Variants in TM4SF4 observed in about 807,000 individuals in gnomAD.
TM4SF4 encodes the protein transmembrane 4 L6 family member 4.
In TM4SF4, 24 loss-of-function variants were observed where a neutral mutation model predicts 24.1. The ratio of observed to expected loss-of-function variants is 1.00; its 90% CI spans 0.72 to 1.40. The LOEUF (loss-of-function observed/expected upper bound fraction) is 1.40, where lower values mean the gene tolerates loss of function less well. TM4SF4 is among the 40% of genes most tolerant of loss of function. TM4SF4 has a pLI of 0.00. For missense variants in TM4SF4, 254 were observed against 254.2 expected (o/e 1.00, Z 0.01); for synonymous variants, 113 against 97.0 (o/e 1.17, Z -0.97).
intron 3 of TM4SF4, among the ~76,000 whole-genome samples, chr3:149,494,229 A>G (rs1035109901): frequency 5.3e-5 from 8 of 152,176 alleles, no homozygotes. Context: ...AAGGGAGAGA[A>G]GAAGGGCCTG....
At chr3:149,483,095 T>G (rs1734062909) in intron 2 of TM4SF4, among the ~76,000 whole-genome samples, 1 of 152,198 alleles carries the variant, frequency 6.6e-6, no homozygotes, top group Non-Finnish European at 1.5e-5. Context: ...TGGACTTTCA[T>G]GAAGACAACT....
chr3:149,482,554 T>G (rs1037564377), intron 2 of TM4SF4, among the ~76,000 whole-genome samples: 3 of 152,174 alleles, frequency 2.0e-5, no homozygotes, highest in African/African-American at 7.2e-5. Context: ...CTTTCTTTTC[T>G]TTTTTTCTAG....
chr3:149,502,912 A>T lies in TM4SF4; in HGVS notation c.*219A>T. The T allele has an allele frequency of 2.1e-6, 1 of 477,734 alleles. No individual in the cohort carries two copies. The highest frequency in any genetic ancestry group is 3.8e-5 in the Admixed American group (1 of 26,436). The allele number at this position is 477,734 out of a possible 1,614,324, so 29.6% of individuals were successfully genotyped here. ...GGCCACTTAACAAATTTGATTTATAAATCTTTCAAATTAGTTCCTTTTTAG... is the reference window on the plus strand; with the variant it reads ...GGCCACTTAACAAATTTGATTTATATATCTTTCAAATTAGTTCCTTTTTAG... On this transcript the variant is annotated 3_prime_UTR_variant, in exon 5 of 5. Transcript: ENST00000305354.
intron 3 of TM4SF4, among the ~76,000 whole-genome samples, chr3:149,497,056 C>G (rs1236739161): frequency 6.6e-6 from 1 of 152,140 alleles, no homozygotes; most frequent in African/African-American, 2.4e-5. Flanking sequence ...AAGTGAGTAA[C>G]TTGCATGAGG....
At position 149,498,765 on chromosome 3, in the gene TM4SF4, C is replaced by G. The variant is rs1274923815; in HGVS notation, c.445C>G (p.Pro149Ala). Residue 149 changes from proline (P) to alanine (A), a missense_variant, in exon 4 of 5, where the codon CCT becomes GCT. Coordinates refer to ENST00000305354, the MANE Select transcript of TM4SF4 (RefSeq NM_004617.4). ...DEALWNKCRE[P>A]LNVVPWNLTL... ...GGCCTTATGGAACAAGTGCCGAGAG[C>G]CTCTCAATGTGGTTCCCTGGAATCT... The G allele has an allele frequency of 1.9e-6, 3 of 1,613,996 alleles. No individual in the cohort carries two copies. Among genetic ancestry groups the G allele is most frequent in the East Asian group, 2.2e-5 (1 of 44,878 alleles).
rs1176653221 is a variant in TM4SF4 at position 149,502,870 on chromosome 3, CAAAT to C, written c.*181_*184del. ...GCTCGAGTTAGAATTTTGTTATTTT[CAAAT>C]AAAAAATAGTTTGGCCACTTAACAA... is the stretch of plus-strand genomic sequence containing the variant. On this transcript the variant is annotated 3_prime_UTR_variant, in exon 5 of 5. Transcript: ENST00000305354. 6.4e-6 allele frequency: 3 copies of C among 472,032 alleles called. No homozygotes were observed. The highest frequency in any genetic ancestry group is 1.1e-5 in the Non-Finnish European group (3 of 265,324). The allele number at this position is 472,032 out of a possible 1,614,324, so 29.2% of individuals were successfully genotyped here.
intron 2 of TM4SF4, among the ~76,000 whole-genome samples, chr3:149,482,098 G>A (rs1227468306): frequency 6.6e-6 from 1 of 152,210 alleles, no homozygotes; most frequent in African/African-American, 2.4e-5. Context: ...CCCACGTGGG[G>A]ATGATCTGAT....
Position 149,498,711 on chromosome 3 carries a change from A to G in TM4SF4, c.402-11A>G, listed in dbSNP as rs751159726. 1 of 1,613,308 alleles carries G rather than the reference A, an allele frequency of 6.2e-7. No individual in the cohort carries two copies. Among genetic ancestry groups the G allele is most frequent in the South Asian group, 1.1e-5 (1 of 91,052 alleles). On this transcript the variant is annotated splice_polypyrimidine_tract_variant and intron_variant, in intron 3 of 4. Transcript: ENST00000305354. ...TACAAATGTTTCCTTTGTCCCCTAT[A>G]TCACCAACAGGGATTATCTCAATGA...
intron 1 of TM4SF4, 113 bp from the exon 2 acceptor site, chr3:149,475,710 C>A: frequency 2.4e-6 from 2 of 838,614 alleles, no homozygotes; most frequent in South Asian, 1.6e-5. Flanking sequence ...CTTTGCCATT[C>A]CCTTTGGGCC....
intron 3 of TM4SF4, among the ~76,000 whole-genome samples, chr3:149,489,093 T>C (rs1234507351): frequency 6.6e-6 from 1 of 152,224 alleles, no homozygotes; most frequent in African/African-American, 2.4e-5. Flanking sequence ...TCATACCTTG[T>C]GCAGCGGTTT....
At chr3:149,479,024 C>T (rs551238047) in intron 2 of TM4SF4, among the ~76,000 whole-genome samples, 21 of 152,344 alleles carry the variant, frequency 1.4e-4, no homozygotes, top group African/African-American at 4.8e-4. Flanking sequence ...GCCTTAACCT[C>T]CCAAAGTGCT....
In TM4SF4 at chr3:149,502,773, T is replaced by G. The variant is rs1184303228; in HGVS notation, c.*80T>G. ...ATAAAACTTCTTCTCTTCTTGGAAT[T>G]ATTAATTCCTATCTGCTTCCTAGCT... On this transcript the variant is annotated 3_prime_UTR_variant, in exon 5 of 5. Transcript: ENST00000305354. 6 of 1,025,936 alleles carry G rather than the reference T, an allele frequency of 5.8e-6. No individual in the cohort carries two copies. The East Asian group carries it at 1.5e-4, about 25-fold the overall frequency. 63.6% of individuals were successfully genotyped at this position (1,025,936 alleles called of 1,614,324 possible). A position where few individuals can be genotyped will look rare whatever the true frequency, so the allele number is the denominator to read the frequency against.
chr3:149,502,716 A>C lies in TM4SF4; in HGVS notation c.*23A>C, dbSNP rs1363164617. The C allele has an allele frequency of 6.4e-7, 1 of 1,567,878 alleles. No individual in the cohort carries two copies. The highest frequency in any genetic ancestry group is 8.8e-7 in the Non-Finnish European group (1 of 1,139,598). On this transcript the variant is annotated 3_prime_UTR_variant, in exon 5 of 5. Coordinates refer to ENST00000305354, the MANE Select transcript of TM4SF4 (RefSeq NM_004617.4). The stretch of plus-strand genomic sequence containing the variant: ...TAAACCTCCGAGATGAGCTGCTCAG[A>C]CTCTACAGCATGACGACTACAATTT...
chr3:149,494,526 G>C (rs1576521869), intron 3 of TM4SF4: 1 of 151,904 alleles, frequency 6.6e-6, no homozygotes, highest in Non-Finnish European at 1.5e-5. Context: ...AAATTGTAAA[G>C]ATAGAAAGGA....
In TM4SF4 at chr3:149,503,153, A is replaced by G. The variant is rs12631874; in HGVS notation, c.*460A>G. Reference sequence around the variant, plus strand: ...GGAAAAAGAATGATTGATGTATCCTAAGTATTGTTATTTGTTGTCTTTTTT... The same window carrying G: ...GGAAAAAGAATGATTGATGTATCCTGAGTATTGTTATTTGTTGTCTTTTTT... On this transcript the variant is annotated 3_prime_UTR_variant, in exon 5 of 5. Coordinates refer to ENST00000305354, the MANE Select transcript of TM4SF4 (RefSeq NM_004617.4). 0.081 allele frequency: 12,531 copies of G among 154,000 alleles called. 1,111 individuals are homozygous for G. Among genetic ancestry groups the G allele is most frequent in the East Asian group, 0.43 (2,265 of 5,238 alleles). 9.5% of individuals were successfully genotyped at this position (154,000 alleles called of 1,614,324 possible). A position where few individuals can be genotyped will look rare whatever the true frequency, so the allele number is the denominator to read the frequency against.
At position 149,474,723 on chromosome 3, in the gene TM4SF4, A is replaced by G. The variant is rs767395157; in HGVS notation, c.-155A>G. 9 of 680,920 alleles carry G rather than the reference A, an allele frequency of 1.3e-5. No homozygotes were observed. Among genetic ancestry groups the G allele is most frequent in the South Asian group, 7.4e-5 (3 of 40,566 alleles). 42.2% of individuals were successfully genotyped at this position (680,920 alleles called of 1,614,324 possible). A position where few individuals can be genotyped will look rare whatever the true frequency, so the allele number is the denominator to read the frequency against. On this transcript the variant is annotated 5_prime_UTR_variant, in exon 1 of 5. Transcript: ENST00000305354. ...TTTTTGAGAAGCTGAAGCAACTCCA[A>G]GGACACAGTTCACAGAAATTTGGTT...
intron 3 of TM4SF4, among the ~76,000 whole-genome samples, chr3:149,491,378 A>G (rs1242780653): frequency 6.6e-6 from 1 of 151,824 alleles, no homozygotes; most frequent in Non-Finnish European, 1.5e-5. Context: ...ATGTGGGAGG[A>G]TCGTTTGGGC....
rs1576519708 is a variant in TM4SF4 at position 149,487,689 on chromosome 3, T to C, written c.335T>C (p.Ile112Thr). 1.2e-6 allele frequency: 2 copies of C among 1,614,056 alleles called. No homozygotes were observed. The highest frequency in any genetic ancestry group is 1.6e-4 in the Middle Eastern group (1 of 6,062). Residue 112 changes from isoleucine to threonine, a missense_variant, in exon 3 of 5, where the codon ATT becomes ACT. By Grantham distance (89) the Ile-to-Thr change is moderately conservative. Transcript: ENST00000305354. Reference protein sequence around the residue: ...GAGYSFIISAISINKGPKCLM... With the variant: ...GAGYSFIISATSINKGPKCLM... ...GGATACTCGTTTATCATCTCAGCCA[T>C]TTCAATCAACAAGGGTCCTAAATGC...
In TM4SF4 at chr3:149,502,710, G is replaced by A. The variant is rs1321955402; in HGVS notation, c.*17G>A. 2 of 1,581,008 alleles carry A rather than the reference G, an allele frequency of 1.3e-6. No individual in the cohort carries two copies. The highest frequency in any genetic ancestry group is 2.2e-5 in the South Asian group (2 of 89,986). On this transcript the variant is annotated 3_prime_UTR_variant, in exon 5 of 5. Transcript: ENST00000305354. Reference sequence around the variant, plus strand: ...CCCGTTTAAACCTCCGAGATGAGCTGCTCAGACTCTACAGCATGACGACTA... The same window carrying A: ...CCCGTTTAAACCTCCGAGATGAGCTACTCAGACTCTACAGCATGACGACTA...
Sources: allele counts gnomAD v4.1 joint callset (sites outside exome capture counted in the v4.1 genomes callset), GRCh38; gene constraint gnomAD v4.1.1; transcripts MANE v1.5; gene names NCBI Gene and HGNC (gene_info 2026-07-23, HGNC 2026-07-21).